PLAU: variants seen among roughly 807,000 people sequenced by gnomAD.
PLAU encodes plasminogen activator, urokinase, also known as urokinase-type plasminogen activator.
In PLAU, 32 loss-of-function variants were observed where a neutral mutation model predicts 48.9. The observed-to-expected ratio is 0.65, with a 90% CI of 0.49 to 0.88. PLAU has a LOEUF of 0.88. PLAU is among the 40% of genes least tolerant of loss of function. The pLI is 0.00. For synonymous variants in PLAU, 199 were observed against 205.7 expected, an observed-to-expected ratio of 0.97 and a Z score of 0.28; for missense variants, 455 against 545.2, an observed-to-expected ratio of 0.83 and a Z score of 1.65.
Position 73,917,085 on chromosome 10 carries a change from G to T in PLAU, c.*520G>T, listed in dbSNP as rs117134857. 297 of 157,284 alleles carry T rather than the reference G, an allele frequency of 1.9e-3. 8 individuals carry two copies. In the East Asian group the frequency reaches 0.054, roughly 29 times the overall value. 9.7% of individuals were successfully genotyped at this position (157,284 alleles called of 1,614,324 possible). ...AATGTATCAGGAAATATATATGTGT[G>T]TGTATGTTTGCACACTTGTGTGTGG... On this transcript the variant is annotated 3_prime_UTR_variant, in exon 11 of 11. Coordinates refer to ENST00000372764, the MANE Select transcript of PLAU (RefSeq NM_002658.6).
chr10:73,915,196 C>T, intron 9 of PLAU, 55 bp from the exon 10 acceptor site: 1 of 1,548,108 alleles, frequency 6.5e-7, no homozygotes, highest in Non-Finnish European at 8.8e-7. Context: ...CTCTGGCAGA[C>T]TCCCAGTGGA....
Position 73,911,232 on chromosome 10 carries a change from T to G in PLAU, c.-32+14T>G. On this transcript the variant is annotated intron_variant, in intron 1 of 10. Transcript: ENST00000372764. ...CCGCAGCCACCGGTGAGTGCCGCGGTCCTGAGATCCCCGGGCCGGATGCGC... is the reference window on the plus strand; with the variant it reads ...CCGCAGCCACCGGTGAGTGCCGCGGGCCTGAGATCCCCGGGCCGGATGCGC... 1 of 420,012 alleles carries G rather than the reference T, an allele frequency of 2.4e-6. No individual in the cohort carries two copies. The highest frequency in any genetic ancestry group is 6.7e-4 in the Middle Eastern group (1 of 1,486). 26.0% of individuals were successfully genotyped at this position (420,012 alleles called of 1,614,324 possible). A position where few individuals can be genotyped will look rare whatever the true frequency, so the allele number is the denominator to read the frequency against.
At chr10:73,914,735 CA>C (rs1407901199) in intron 8 of PLAU, 40 bp from the exon 9 acceptor site, 1 of 1,596,886 alleles carries the variant, frequency 6.3e-7, no homozygotes, top group African/African-American at 1.3e-5. Context: ...ACCGCCTAAC[CA>C]GTAGTGATCT....
At chr10:73,916,158 C>T (rs981432481) in intron 10 of PLAU, among the ~76,000 whole-genome samples, 4 of 152,178 alleles carry the variant, frequency 2.6e-5, no homozygotes, top group African/African-American at 7.2e-5. Context: ...ACATGGGAAT[C>T]GCTTGAGCAC....
chr10:73,910,776 T>A (rs906077041), upstream of PLAU: 3 of 152,350 alleles, frequency 2.0e-5, no homozygotes, highest in African/African-American at 7.2e-5. Context: ...CGGGGAGAAG[T>A]TGCAGAAGAA....
rs1330462736 is a variant in PLAU at position 73,913,669 on chromosome 10, C to A, written c.591C>A (p.Tyr197Ter). 6.2e-7 allele frequency: 1 copy of A among 1,613,930 alleles called. No homozygotes were observed. The highest frequency in any genetic ancestry group is 8.5e-7 in the Non-Finnish European group (1 of 1,179,958). Residue 197 changes from tyrosine (Y) to a stop codon, truncating the protein, a stop_gained, in exon 7 of 11, where the codon TAC becomes TAA. Transcript: ENST00000372764. LOFTEE classifies it high-confidence loss of function. ...IENQPWFAAI[Y>*]RRHRGGSVTY... ...ACCAGCCCTGGTTTGCGGCCATCTA[C>A]AGGAGGCACCGGGGGGGCTCTGTCA... is the stretch of plus-strand genomic sequence containing the variant.
chr10:73,911,253 T>C (rs1468645315), intron 1 of PLAU, 35 bp downstream of exon 1: 1 of 463,434 alleles, frequency 2.2e-6, no homozygotes, highest in Non-Finnish European at 3.8e-6. Flanking sequence ...CCGGGCCGGA[T>C]GCGCGGCGGC....
At chr10:73,909,871 C>T (rs1413042378), upstream of PLAU, 1 of 137,764 alleles carries the variant, frequency 7.3e-6, no homozygotes, top group Non-Finnish European at 1.6e-5. Flanking sequence ...TATGTTCCTC[C>T]AAGTGTGCCC....
intron 2 of PLAU, 199 bp from the exon 3 acceptor site, chr10:73,911,842 T>C (rs1372361707): frequency 4.5e-6 from 7 of 1,552,282 alleles, no homozygotes; most frequent in Non-Finnish European, 2.6e-6. Context: ...TGCGGGCATC[T>C]GGTAGATGAA....
rs752345173 is a variant in PLAU, at chr10:73,911,515, T to C, written c.-31-10T>C. ...TCCGCCTCTTGCCCTGACTTCTCCT[T>C]CCTTTGCAGAGCCGCCGTCTAGCGC... On this transcript the variant is annotated splice_polypyrimidine_tract_variant and intron_variant, in intron 1 of 10. Coordinates refer to ENST00000372764, the MANE Select transcript of PLAU (RefSeq NM_002658.6). 1.7e-5 allele frequency: 28 copies of C among 1,603,626 alleles called. No individual in the cohort carries two copies. Among genetic ancestry groups the C allele is most frequent in the Non-Finnish European group, 1.4e-5 (17 of 1,178,084 alleles).
chr10:73,915,158 C>T (rs962350976), intron 9 of PLAU, 93 bp from the exon 10 acceptor site: 12 of 1,340,844 alleles, frequency 8.9e-6, no homozygotes, highest in Non-Finnish European at 1.2e-5. Context: ...AAGGGCCTTC[C>T]CTGGTAGAGA....
At position 73,913,113 on chromosome 10, in the gene PLAU, A is replaced by G. The variant is rs777749292; in HGVS notation, c.368+15A>G. ...AATTACTGCAGGTGAGGTGGGGGCAACAAGGACCAAAAGCCCTCCCTACAG... is the reference window on the plus strand; with the variant it reads ...AATTACTGCAGGTGAGGTGGGGGCAGCAAGGACCAAAAGCCCTCCCTACAG... On this transcript the variant is annotated intron_variant, in intron 5 of 10. Coordinates refer to ENST00000372764, the MANE Select transcript of PLAU (RefSeq NM_002658.6). 2 of 1,610,682 alleles carry G rather than the reference A, an allele frequency of 1.2e-6. No individual in the cohort carries two copies. The highest frequency in any genetic ancestry group is 1.3e-5 in the African/African-American group (1 of 74,790).
chr10:73,908,857 CAA>C (rs11339212), upstream of PLAU, among the ~76,000 whole-genome samples: 7,586 of 102,692 alleles, frequency 0.074, 485 homozygotes, highest in African/African-American at 0.21. Context: ...GACTCCGTCT[CAA>C]AAAAAAAAAA....
intron 7 of PLAU, 90 bp downstream of exon 7, chr10:73,913,848 C>T: frequency 7.3e-7 from 1 of 1,375,676 alleles, no homozygotes; most frequent in East Asian, 2.3e-5. Flanking sequence ...CGCCTCATTT[C>T]TCCCTCATCT....
At chr10:73,911,817 G>A (rs1267829461) in intron 2 of PLAU, 1 of 1,551,864 alleles carries the variant, frequency 6.4e-7, no homozygotes, top group Non-Finnish European at 8.7e-7. Flanking sequence ...AGAGGCCGCC[G>A]GGACTGCCCC....
At position 73,916,266 on chromosome 10, in the gene PLAU, T is replaced by G. The variant is rs1031346991; in HGVS notation, c.1120-123T>G. The G allele has an allele frequency of 1.4e-5, 12 of 839,736 alleles. No individual in the cohort carries two copies. In the African/African-American group the frequency reaches 1.7e-4, roughly 12 times the overall value. The allele number at this position is 839,736 out of a possible 1,614,324, so 52.0% of individuals were successfully genotyped here. A position where few individuals can be genotyped will look rare whatever the true frequency, so the allele number is the denominator to read the frequency against. ...CTCCCCCCGAAAAAAAGAAAGAAAA[T>G]GGGAAGTCGCTAAGGACTTTGACTG... On this transcript the variant is annotated intron_variant, in intron 10 of 10. Coordinates refer to ENST00000372764, the MANE Select transcript of PLAU (RefSeq NM_002658.6).
rs2096123822 is a variant in PLAU at position 73,911,484 on chromosome 10, C to G, written c.-31-41C>G. On this transcript the variant is annotated intron_variant, in intron 1 of 10. Transcript: ENST00000372764. ...CAGTCGCCCGCCTGGCCTGCCTTCC[C>G]GTTCCTCCGCCTCTTGCCCTGACTT... 4 of 1,569,826 alleles carry G rather than the reference C, an allele frequency of 2.5e-6. No individual in the cohort carries two copies. In the South Asian group the frequency reaches 4.6e-5, roughly 18 times the overall value.
Position 73,912,378 on chromosome 10 carries a change from TG to T in PLAU, c.193+59del, listed in dbSNP as rs773881195. ...AAATTTGGGGACAGGGAGGGATGGGTGGGAGGCAAGAGCAGGCAGGAGTTAG... is the reference window on the plus strand; with the variant it reads ...AAATTTGGGGACAGGGAGGGATGGGTGGAGGCAAGAGCAGGCAGGAGTTAG... On this transcript the variant is annotated intron_variant, in intron 4 of 10. Transcript: ENST00000372764. 48 of 469,866 alleles carry T rather than the reference TG, an allele frequency of 1.0e-4. 10 individuals carry two copies. Among genetic ancestry groups the T allele is most frequent in the Non-Finnish European group, 1.9e-4 (44 of 234,828 alleles). 29.1% of individuals were successfully genotyped at this position (469,866 alleles called of 1,614,324 possible). A position where few individuals can be genotyped will look rare whatever the true frequency, so the allele number is the denominator to read the frequency against.
intron 9 of PLAU, 107 bp from the exon 10 acceptor site, chr10:73,915,144 G>C: frequency 8.0e-7 from 1 of 1,251,736 alleles, no homozygotes. Context: ...GCATGGAAGA[G>C]AATAAGGGCC....
Sources: allele counts gnomAD v4.1 joint callset (sites outside exome capture counted in the v4.1 genomes callset), GRCh38; gene constraint gnomAD v4.1.1; transcripts MANE v1.5; gene names NCBI Gene and HGNC (gene_info 2026-07-23, HGNC 2026-07-21).